CHST8: variants seen among roughly 807,000 people sequenced by gnomAD.
CHST8 encodes the protein carbohydrate sulfotransferase 8, also known as GALNAC-4-ST1.
Under a neutral mutation model 15.0 loss-of-function variants are expected in CHST8, and 10 were observed. That is an observed-to-expected ratio of 0.67 (90% CI 0.41 to 1.13). CHST8 has a LOEUF of 1.13. Among genes scored for constraint, CHST8 ranks in the 50% most tolerant of loss-of-function variants. The probability of loss-of-function intolerance (pLI) is 0.00; values close to 1 mark genes in which losing one functional copy is unlikely to be tolerated. For synonymous variants in CHST8, 259 were observed against 256.6 expected (o/e 1.01, Z -0.09); for missense variants, 634 against 608.2 (o/e 1.04, Z -0.45).
intron 3 of CHST8, among the ~76,000 whole-genome samples, chr19:33,744,909 C>T (rs1016727593): frequency 2.3e-4 from 35 of 152,202 alleles, no homozygotes; most frequent in Non-Finnish European, 1.6e-4. Context: ...CCACCACACT[C>T]GGCTAATTTT....
chr19:33,769,594 T>C (rs1974926669), intron 3 of CHST8, among the ~76,000 whole-genome samples: 1 of 151,764 alleles, frequency 6.6e-6, no homozygotes, highest in Admixed American at 6.6e-5. Context: ...AATGATGGGA[T>C]GGGGAAGAGG....
chr19:33,684,518 A>G (rs1972940999), intron 2 of CHST8: 1 of 152,412 alleles, frequency 6.6e-6, no homozygotes, highest in Non-Finnish European at 1.5e-5. Flanking sequence ...GCCTACGCAT[A>G]AAAACTGGAG....
Position 33,688,500 on chromosome 19 carries a change from G to T in CHST8, c.-86-676G>T, listed in dbSNP as rs1002021351. Among the ~76,000 whole-genome samples the T allele has an allele frequency of 4.6e-5, 7 of 152,310 alleles. 1 individual carries two copies. Among genetic ancestry groups the T allele is most frequent in the African/African-American group, 1.7e-4 (7 of 41,580 alleles). On this transcript the variant is annotated intron_variant, in intron 2 of 4. Coordinates refer to ENST00000650847, the MANE Select transcript of CHST8 (RefSeq NM_001127895.2). ...CTCCACTCCAGGCAAAGGGCCTCGA[G>T]CACAGGGACTCCAGTGGTCTGGCCA...
chr19:33,687,576 T>G (rs10402398), intron 2 of CHST8, among the ~76,000 whole-genome samples: 130,046 of 152,218 alleles, frequency 0.85, 55,952 homozygotes, highest in African/African-American at 0.95. Flanking sequence ...ACAGTCCAGA[T>G]AGCCCAGCGT....
intron 3 of CHST8, among the ~76,000 whole-genome samples, chr19:33,738,808 T>C (rs1974131831): frequency 6.6e-6 from 1 of 152,192 alleles, no homozygotes; most frequent in Non-Finnish European, 1.5e-5. Context: ...CAGGCTGGTC[T>C]TGAACTTCTG....
chr19:33,653,616 C>T (rs112324129), intron 1 of CHST8, among the ~76,000 whole-genome samples: 1 of 152,096 alleles, frequency 6.6e-6, no homozygotes, highest in Non-Finnish European at 1.5e-5. Flanking sequence ...CAGTAAAGCA[C>T]GGTGGTTAAG....
chr19:33,722,545 C>T (rs1219849487), intron 3 of CHST8, among the ~76,000 whole-genome samples: 1 of 152,208 alleles, frequency 6.6e-6, no homozygotes, highest in African/African-American at 2.4e-5. Flanking sequence ...ACCCAGCATT[C>T]CTGTGGTCTT....
chr19:33,686,768 TCGC>T (rs1972987605), intron 2 of CHST8, among the ~76,000 whole-genome samples: 1 of 152,228 alleles, frequency 6.6e-6, no homozygotes, highest in African/African-American at 2.4e-5. Context: ...ACTCAGGGGC[TCGC>T]GACAGTTGCT....
chr19:33,754,684 T>C (rs1974510580), intron 3 of CHST8, among the ~76,000 whole-genome samples: 3 of 152,172 alleles, frequency 2.0e-5, no homozygotes, highest in Non-Finnish European at 4.4e-5. Context: ...CTCTGCCACG[T>C]CTCACAGGGA....
intron 3 of CHST8, among the ~76,000 whole-genome samples, chr19:33,711,786 C>T (rs1973555824): frequency 6.6e-6 from 1 of 152,056 alleles, no homozygotes; most frequent in East Asian, 1.9e-4. Flanking sequence ...TGCACGCCAC[C>T]ACACCCAGCT....
At chr19:33,684,353 G>T (rs145999343) in intron 2 of CHST8, among the ~76,000 whole-genome samples, 10 of 152,340 alleles carry the variant, frequency 6.6e-5, no homozygotes, top group African/African-American at 2.4e-4. Flanking sequence ...CCCGGCAGGG[G>T]CCTGGGTGTG....
At position 33,772,260 on chromosome 19, in the gene CHST8, C is replaced by T. The variant is rs368419450; in HGVS notation, c.472C>T (p.Arg158Trp). The T allele has an allele frequency of 1.6e-5, 26 of 1,600,212 alleles. No individual in the cohort carries two copies. In the African/African-American group the frequency reaches 3.3e-4, roughly 21 times the overall value. Reference protein sequence around the residue: ...SLHRSQQERKRVMQEACAKYR... With the variant: ...SLHRSQQERKWVMQEACAKYR... ...GCACCGGAGCCAGCAGGAGCGCAAG[C>T]GGGTGATGCAGGAGGCCTGCGCCAA... The change falls in exon 5 of 5, where the codon CGG becomes TGG. Residue 158 changes from arginine (R) to tryptophan (W), a missense_variant. Coordinates refer to ENST00000650847, the MANE Select transcript of CHST8 (RefSeq NM_001127895.2).
intron 3 of CHST8, among the ~76,000 whole-genome samples, chr19:33,750,880 A>G (rs1355644950): frequency 6.6e-6 from 1 of 151,880 alleles, no homozygotes; most frequent in Admixed American, 6.6e-5. Context: ...GGTACCCCTC[A>G]GCAGCAGGCA....
At position 33,772,833 on chromosome 19, in the gene CHST8, G is replaced by C. The variant is rs139075008; in HGVS notation, c.1045G>C (p.Glu349Gln). The C allele has an allele frequency of 6.2e-7, 1 of 1,613,446 alleles. No homozygotes were observed. Among genetic ancestry groups the C allele is most frequent in the Non-Finnish European group, 8.5e-7 (1 of 1,180,048 alleles). Residue 349 changes from glutamate to glutamine, a missense_variant, in exon 5 of 5, where the codon GAG becomes CAG. Transcript: ENST00000650847. Reference sequence around the variant, plus strand: ...CGACTACGATTTCGTAGGCAAGTTCGAGAGCATGGAGGACGATGCCAACTT... The same window carrying C: ...CGACTACGATTTCGTAGGCAAGTTCCAGAGCATGGAGGACGATGCCAACTT... ...LIDYDFVGKFESMEDDANFFL... is the reference protein window; with the variant it reads ...LIDYDFVGKFQSMEDDANFFL...
chr19:33,688,636 C>T (rs2145255945), intron 2 of CHST8, among the ~76,000 whole-genome samples: 1 of 152,256 alleles, frequency 6.6e-6, no homozygotes, highest in Non-Finnish European at 1.5e-5. Context: ...TCCGTCTGTG[C>T]TTGAATATCC....
In CHST8 at chr19:33,772,943, G is replaced by A. The variant is rs1369737346; in HGVS notation, c.1155G>A (p.Ala385=). 23 of 1,613,320 alleles carry A rather than the reference G, an allele frequency of 1.4e-5. No homozygotes were observed. Among genetic ancestry groups the A allele is most frequent in the East Asian group, 8.9e-5 (4 of 44,884 alleles). Residue 385 remains alanine (A), a synonymous_variant, in exon 5 of 5, where the codon GCG becomes GCA. Transcript: ENST00000650847. ...ACTCGCAGGAGGCGCGGACCACAGC[G>A]AGGATCGCCCACCAGTACTTCGCCC... ...DRHSQEARTT[A]RIAHQYFAQL...
chr19:33,641,715 G>T (rs960283530), intron 1 of CHST8, among the ~76,000 whole-genome samples: 2 of 151,798 alleles, frequency 1.3e-5, no homozygotes, highest in East Asian at 3.9e-4. Flanking sequence ...TCAGGGCAAA[G>T]GAGGGGTATG....
chr19:33,706,008 T>C (rs1022961395), intron 3 of CHST8, among the ~76,000 whole-genome samples: 3 of 152,196 alleles, frequency 2.0e-5, no homozygotes, highest in Non-Finnish European at 2.9e-5. Flanking sequence ...TGTACCCGTC[T>C]CTATTTTATA....
In CHST8 at chr19:33,772,697, C is replaced by T. The variant is rs1291820753; in HGVS notation, c.909C>T (p.Gly303=). 2 of 1,613,552 alleles carry T rather than the reference C, an allele frequency of 1.2e-6. No homozygotes were observed. Among genetic ancestry groups the T allele is most frequent in the Non-Finnish European group, 8.5e-7 (1 of 1,180,024 alleles). The change falls in exon 5 of 5, where the codon GGC becomes GGT. Residue 303 remains glycine, a synonymous_variant. Coordinates refer to ENST00000650847, the MANE Select transcript of CHST8 (RefSeq NM_001127895.2). The part of the protein sequence containing the change: ...ANASREALRT[G]SGVRFPEFVQ... ...CCTCTCGGGAGGCCCTGCGGACCGG[C>T]TCTGGGGTGCGTTTTCCCGAGTTCG...
Sources: gnomAD v4.1 joint callset for allele counts (sites outside exome capture counted in the v4.1 genomes callset) on GRCh38, gnomAD v4.1.1 for gene constraint, MANE v1.5 for transcripts, NCBI Gene and HGNC (gene_info 2026-07-23, HGNC 2026-07-21) for gene names.